The following HIVEP3 variants were observed in gnomAD, a reference collection of about 807,000 sequenced individuals.
HIVEP3 encodes transcription factor HIVEP3.
In HIVEP3, 49 loss-of-function variants were observed where a neutral mutation model predicts 152.8. The observed-to-expected ratio is 0.32, with a 90% CI of 0.26 to 0.41. The LOEUF is 0.41. HIVEP3 is among the 10% of genes least tolerant of loss of function. The pLI is 1.00. For missense variants in HIVEP3, 2,790 were observed against 3,103.3 expected, an observed-to-expected ratio of 0.90 and a Z score of 2.40; for synonymous variants, 1,269 against 1,289.0, an observed-to-expected ratio of 0.98 and a Z score of 0.33.
At chr1:41,877,439 C>A (rs773961635) in intron 1 of HIVEP3, among the ~76,000 whole-genome samples, 1 of 152,324 alleles carries the variant, frequency 6.6e-6, no homozygotes, top group East Asian at 1.9e-4. Context: ...TAACTGAATT[C>A]TATTTCCCTT....
At chr1:41,980,357 A>G (rs1324134397) in intron 1 of HIVEP3, among the ~76,000 whole-genome samples, 1 of 152,274 alleles carries the variant, frequency 6.6e-6, no homozygotes, top group Non-Finnish European at 1.5e-5. Context: ...TATTCATCCA[A>G]TAGAATACAG....
At chr1:41,790,301 G>C (rs989422400) in intron 1 of HIVEP3, among the ~76,000 whole-genome samples, 6 of 152,064 alleles carry the variant, frequency 3.9e-5, no homozygotes, top group African/African-American at 1.4e-4. Context: ...TCACACCATG[G>C]GATCTCTGAA....
intron 1 of HIVEP3, among the ~76,000 whole-genome samples, chr1:41,784,851 AT>A (rs375911208): frequency 4.0e-5 from 6 of 151,442 alleles, no homozygotes; most frequent in Non-Finnish European, 5.9e-5. Context: ...AAGTTTTTAC[AT>A]TTTTTTTTCT....
chr1:41,887,646 C>T lies in HIVEP3; in HGVS notation c.-801+30767G>A, dbSNP rs151172828. Among the ~76,000 whole-genome samples the T allele has an allele frequency of 3.2e-3, 494 of 152,336 alleles. 1 individual carries two copies. Among genetic ancestry groups the T allele is most frequent in the Middle Eastern group, 0.024 (7 of 294 alleles). On this transcript the variant is annotated intron_variant, in intron 1 of 8. Transcript: ENST00000372583. ...CTGGATACCATCACTGCAGCCAGCA[C>T]ATGTGGCTTCTACCTCACCTGAGCA...
At chr1:41,619,389 C>T (rs1042401863) in intron 3 of HIVEP3, among the ~76,000 whole-genome samples, 2 of 152,212 alleles carry the variant, frequency 1.3e-5, no homozygotes, top group African/African-American at 2.4e-5. Context: ...AATATATTTA[C>T]ATTTATTTTA....
At chr1:42,034,982 A>G (rs1350398723) in intron 1 of HIVEP3, among the ~76,000 whole-genome samples, 3 of 152,158 alleles carry the variant, frequency 2.0e-5, no homozygotes, top group Non-Finnish European at 4.4e-5. Flanking sequence ...TCTCCATGCA[A>G]CCAGAGCCTA....
intron 2 of HIVEP3, among the ~76,000 whole-genome samples, chr1:41,675,964 C>G (rs1570286366): frequency 6.6e-6 from 1 of 150,994 alleles, no homozygotes; most frequent in East Asian, 1.9e-4. Flanking sequence ...GACAGGACAG[C>G]TGGGGAACTG....
chr1:41,700,396 C>T (rs74070549), intron 2 of HIVEP3, among the ~76,000 whole-genome samples: 2,621 of 152,258 alleles, frequency 0.017, 75 homozygotes, highest in African/African-American at 0.06. Context: ...AAAATGCACA[C>T]GTACACATAT....
In HIVEP3 at chr1:41,859,380, AT is replaced by A. The variant is rs1473517304; in HGVS notation, c.-801+59032del. 7.2e-5 allele frequency among the ~76,000 whole-genome samples: 11 copies of A among 152,310 alleles called. No homozygotes were observed. In the East Asian group the frequency reaches 2.1e-3, roughly 29 times the overall value. ...ATTAAAAAATAGATTTTCGTAAACAATTTTTTCTAATTATAAAAGTAATGTC... is the reference window on the plus strand; with the variant it reads ...ATTAAAAAATAGATTTTCGTAAACAATTTTTCTAATTATAAAAGTAATGTC... On this transcript the variant is annotated intron_variant, in intron 1 of 8. Coordinates refer to ENST00000372583, the MANE Select transcript of HIVEP3 (RefSeq NM_024503.5).
At chr1:41,527,234 A>ACCTTCACATGCCACACCCCTG (rs1558029196) in intron 5 of HIVEP3, among the ~76,000 whole-genome samples, 3 of 53,664 alleles carry the variant, frequency 5.6e-5, no homozygotes, top group African/African-American at 8.1e-5. Flanking sequence ...TCACCCTCAC[A>ACCTTCACATGCCACACCCCTG]CACTCACCTC....
intron 2 of HIVEP3, among the ~76,000 whole-genome samples, chr1:41,695,596 G>A (rs985491778): frequency 6.6e-6 from 1 of 152,186 alleles, no homozygotes; most frequent in African/African-American, 2.4e-5. Context: ...AGCCACAGTA[G>A]AGATCTCTAA....
intron 1 of HIVEP3, among the ~76,000 whole-genome samples, chr1:41,902,158 G>GCAGAATC (rs1006517876): frequency 6.6e-6 from 1 of 152,130 alleles, no homozygotes; most frequent in African/African-American, 2.4e-5. Context: ...GAGGCTTAGG[G>GCAGAATC]CAGAATCCTG....
rs189230748 is a variant in HIVEP3, at chr1:41,764,690, G to A, written c.-800-63695C>T. 1.5e-3 allele frequency among the ~76,000 whole-genome samples: 228 copies of A among 152,328 alleles called. 2 individuals carry two copies. Among genetic ancestry groups the A allele is most frequent in the South Asian group, 0.012 (60 of 4,826 alleles). On this transcript the variant is annotated intron_variant, in intron 1 of 8. Coordinates refer to ENST00000372583, the MANE Select transcript of HIVEP3 (RefSeq NM_024503.5). Reference sequence around the variant, plus strand: ...ACAAACATTTTTGCATCCCTCCTACGGGGAAGGCATCATGCCAGGCACTGG... The same window carrying A: ...ACAAACATTTTTGCATCCCTCCTACAGGGAAGGCATCATGCCAGGCACTGG...
intron 1 of HIVEP3, among the ~76,000 whole-genome samples, chr1:41,931,255 A>G (rs781441204): frequency 2.6e-5 from 4 of 152,014 alleles, no homozygotes; most frequent in Non-Finnish European, 2.9e-5. Context: ...TTTTACATTT[A>G]GATCTATGAT....
chr1:41,772,606 GAACA>G (rs1332634584), intron 1 of HIVEP3, among the ~76,000 whole-genome samples: 1 of 152,084 alleles, frequency 6.6e-6, no homozygotes, highest in Non-Finnish European at 1.5e-5. Flanking sequence ...TGACAACAGA[GAACA>G]AACAAAGAAT....
chr1:41,575,253 G>C (rs1644308803), intron 5 of HIVEP3, among the ~76,000 whole-genome samples: 1 of 152,358 alleles, frequency 6.6e-6, no homozygotes, highest in African/African-American at 2.4e-5. Context: ...GCAGGAACTA[G>C]AAACCTGGCC....
chr1:41,573,390 A>G (rs1644280153), intron 5 of HIVEP3, among the ~76,000 whole-genome samples: 1 of 152,202 alleles, frequency 6.6e-6, no homozygotes, highest in Admixed American at 6.5e-5. Flanking sequence ...TGCCAGCCCC[A>G]AGAGAACCAT....
intron 1 of HIVEP3, among the ~76,000 whole-genome samples, chr1:41,701,591 C>G (rs1469388747): frequency 1.3e-5 from 2 of 152,168 alleles, no homozygotes; most frequent in African/African-American, 4.8e-5. Flanking sequence ...TGCAGGATGG[C>G]AGAATGTTTC....
intron 1 of HIVEP3, among the ~76,000 whole-genome samples, chr1:41,853,482 C>T (rs752546432): frequency 3.9e-5 from 6 of 152,092 alleles, no homozygotes; most frequent in Admixed American, 1.3e-4. Context: ...TCAGATATTT[C>T]GAGAACTCAC....
Sources: allele counts gnomAD v4.1 joint callset (sites outside exome capture counted in the v4.1 genomes callset), GRCh38; gene constraint gnomAD v4.1.1; transcripts MANE v1.5; gene names NCBI Gene and HGNC (gene_info 2026-07-23, HGNC 2026-07-21).